Variants in GRID2 observed in about 807,000 individuals in gnomAD.
GRID2 encodes the protein glutamate receptor ionotropic, delta-2.
Under a neutral mutation model 114.8 loss-of-function variants are expected in GRID2, and 33 were observed. That is an observed-to-expected ratio of 0.29 (90% CI 0.22 to 0.38). GRID2 has a LOEUF of 0.38. Ranked by LOEUF, GRID2 falls within the 10% of genes least tolerant of loss-of-function variation. The pLI, the probability that GRID2 is intolerant of heterozygous loss-of-function variation, is 1.00. For missense variants in GRID2, 1,184 were observed against 1,257.7 expected (o/e 0.94, Z 0.89); for synonymous variants, 505 against 449.9 (o/e 1.12, Z -1.55).
At chr4:93,704,718 T>C (rs1004372479) in intron 14 of GRID2, among the ~76,000 whole-genome samples, 1 of 152,240 alleles carries the variant, frequency 6.6e-6, no homozygotes, top group Non-Finnish European at 1.5e-5. Flanking sequence ...TCTCTTTCTG[T>C]GCCTGGATTT....
Position 93,736,075 on chromosome 4 carries a change from A to C in GRID2, c.2361-33135A>C, listed in dbSNP as rs191469375. Among the ~76,000 whole-genome samples, 247 of 152,160 alleles carry C rather than the reference A, an allele frequency of 1.6e-3. 2 individuals are homozygous for C. Among genetic ancestry groups the C allele is most frequent in the Admixed American group, 0.014 (215 of 15,266 alleles). On this transcript the variant is annotated intron_variant, in intron 14 of 15. Transcript: ENST00000282020. Reference sequence around the variant, plus strand: ...TGTATTTCTGTTCAAAACGAACAACAAAAAAGGTGAAAGGCATTGTCTGTC... The same window carrying C: ...TGTATTTCTGTTCAAAACGAACAACCAAAAAGGTGAAAGGCATTGTCTGTC...
rs556272863 is a variant in GRID2, at chr4:93,276,998, A to G, written c.1245+38508A>G. On this transcript the variant is annotated intron_variant, in intron 8 of 15. Transcript: ENST00000282020. The stretch of plus-strand genomic sequence containing the variant: ...CAAAGCAAAATGGATTTAAGAAGAT[A>G]TTTGATATGCTCCCTAGTCTCTATA... 7.9e-5 allele frequency among the ~76,000 whole-genome samples: 12 copies of G among 152,034 alleles called. No homozygotes were observed. In the South Asian group the frequency reaches 2.5e-3, roughly 31 times the overall value.
intron 1 of GRID2, among the ~76,000 whole-genome samples, chr4:92,365,215 A>G (rs925315752): frequency 2.8e-4 from 42 of 152,244 alleles, no homozygotes; most frequent in Non-Finnish European, 4.6e-4. Context: ...AATGGCCAAG[A>G]TATGAAATCA....
At chr4:93,591,803 G>T (rs1738358430) in intron 13 of GRID2, among the ~76,000 whole-genome samples, 1 of 152,164 alleles carries the variant, frequency 6.6e-6, no homozygotes, top group Non-Finnish European at 1.5e-5. Context: ...ATGTGTCGAG[G>T]AATTTATCCA....
chr4:92,427,134 T>C (rs1434661488), intron 1 of GRID2, among the ~76,000 whole-genome samples: 2 of 152,204 alleles, frequency 1.3e-5, no homozygotes, highest in African/African-American at 4.8e-5. Flanking sequence ...TCCTATACTC[T>C]GATCCGGCTC....
At chr4:92,558,528 T>C (rs192012677) in intron 1 of GRID2, among the ~76,000 whole-genome samples, 2 of 152,166 alleles carry the variant, frequency 1.3e-5, no homozygotes, top group African/African-American at 4.8e-5. Context: ...TACCGTCCAT[T>C]CTTTAAAAAT....
At chr4:93,688,504 G>A (rs1412727769) in intron 14 of GRID2, among the ~76,000 whole-genome samples, 3 of 151,920 alleles carry the variant, frequency 2.0e-5, no homozygotes, top group South Asian at 2.1e-4. Flanking sequence ...TGGAGAGGTC[G>A]GATAACTTGC....
intron 2 of GRID2, among the ~76,000 whole-genome samples, chr4:92,632,675 G>T (rs867773962): frequency 2.0e-5 from 3 of 151,052 alleles, no homozygotes; most frequent in Non-Finnish European, 4.4e-5. Context: ...AGTGAAGAAA[G>T]GAAAGGAAGG....
intron 1 of GRID2, among the ~76,000 whole-genome samples, chr4:92,474,431 A>G (rs1722195117): frequency 6.6e-6 from 1 of 152,150 alleles, no homozygotes; most frequent in Non-Finnish European, 1.5e-5. Context: ...GATGAACACA[A>G]GGTTGATTCC....
chr4:92,329,318 T>C (rs2110140379), intron 1 of GRID2, among the ~76,000 whole-genome samples: 1 of 152,138 alleles, frequency 6.6e-6, no homozygotes, highest in South Asian at 2.1e-4. Context: ...TTGGAGTTTA[T>C]TATAAAAGGA....
chr4:92,828,141 C>T (rs1347534086), intron 2 of GRID2, among the ~76,000 whole-genome samples: 1 of 151,936 alleles, frequency 6.6e-6, no homozygotes, highest in African/African-American at 2.4e-5. Flanking sequence ...AGGATTGTTT[C>T]CTAAATAAAA....
intron 2 of GRID2, among the ~76,000 whole-genome samples, chr4:92,781,904 T>A (rs1739096982): frequency 6.6e-6 from 1 of 152,086 alleles, no homozygotes; most frequent in Admixed American, 6.6e-5. Context: ...CAATTTACAG[T>A]TTATTATAAA....
chr4:92,942,181 C>T (rs1751200955), intron 2 of GRID2, among the ~76,000 whole-genome samples: 1 of 151,970 alleles, frequency 6.6e-6, no homozygotes, highest in African/African-American at 2.4e-5. Flanking sequence ...TTAAAGTCTC[C>T]CATTATTATT....
chr4:93,149,330 T>G (rs1736534101), intron 4 of GRID2, among the ~76,000 whole-genome samples: 1 of 151,940 alleles, frequency 6.6e-6, no homozygotes, highest in African/African-American at 2.4e-5. Flanking sequence ...TCCCAGCACT[T>G]TGGGAGGCGG....
At chr4:92,684,323 C>A (rs1185637155) in intron 2 of GRID2, among the ~76,000 whole-genome samples, 1 of 151,594 alleles carries the variant, frequency 6.6e-6, no homozygotes, top group Non-Finnish European at 1.5e-5. Flanking sequence ...CATTTGATTT[C>A]TTGGATTTTT....
chr4:92,431,007 G>A (rs1732413762), intron 1 of GRID2, among the ~76,000 whole-genome samples: 1 of 151,958 alleles, frequency 6.6e-6, no homozygotes, highest in Admixed American at 6.6e-5. Context: ...TTTTCTTGTG[G>A]ACTCATTAGG....
chr4:93,360,392 A>T (rs1003746301), intron 8 of GRID2, among the ~76,000 whole-genome samples: 4 of 151,984 alleles, frequency 2.6e-5, no homozygotes, highest in African/African-American at 9.7e-5. Context: ...CTCAATAATG[A>T]TATTTTTAAT....
intron 8 of GRID2, among the ~76,000 whole-genome samples, chr4:93,292,967 C>T (rs1432274984): frequency 6.6e-6 from 1 of 152,166 alleles, no homozygotes; most frequent in African/African-American, 2.4e-5. Context: ...AATGTGGCAT[C>T]TGCATAGCCC....
Position 92,809,087 on chromosome 4 carries a change from A to T in GRID2, c.244+218801A>T, listed in dbSNP as rs187376787. Among the ~76,000 whole-genome samples the T allele has an allele frequency of 1.2e-3, 177 of 152,124 alleles. 1 individual carries two copies. Among genetic ancestry groups the T allele is most frequent in the South Asian group, 2.1e-3 (10 of 4,824 alleles). On this transcript the variant is annotated intron_variant, in intron 2 of 15. Coordinates refer to ENST00000282020, the MANE Select transcript of GRID2 (RefSeq NM_001510.4). Reference sequence around the variant, plus strand: ...AGAAAAGATACTCTGCCAAAATATTAATATAATATCTTGCTAAATTGTCTC... The same window carrying T: ...AGAAAAGATACTCTGCCAAAATATTTATATAATATCTTGCTAAATTGTCTC...
Sources: allele counts gnomAD v4.1 joint callset (sites outside exome capture counted in the v4.1 genomes callset), GRCh38; gene constraint gnomAD v4.1.1; transcripts MANE v1.5; gene names NCBI Gene and HGNC (gene_info 2026-07-23, HGNC 2026-07-21).